ATRNL1: variants seen among roughly 807,000 people sequenced by gnomAD.
ATRNL1 encodes the protein attractin like 1.
Under a neutral mutation model 182.7 loss-of-function variants are expected in ATRNL1, and 95 were observed. The ratio of observed to expected loss-of-function variants is 0.52; its 90% CI spans 0.44 to 0.62. ATRNL1 has a LOEUF of 0.62. Ranked by LOEUF, ATRNL1 falls within the 20% of genes least tolerant of loss-of-function variation. ATRNL1 has a pLI of 0.00. For synonymous variants in ATRNL1, 576 were observed against 568.3 expected, an observed-to-expected ratio of 1.01 and a Z score of -0.19; for missense variants, 1,471 against 1,679.5, an observed-to-expected ratio of 0.88 and a Z score of 2.17.
Position 115,731,530 on chromosome 10 carries a change from C to T in ATRNL1, c.3903+4175C>T, listed in dbSNP as rs190471557. The stretch of plus-strand genomic sequence containing the variant: ...AGAAAAATAATTACATGTAAATTCT[C>T]GTTTAGGAAAGGCCTTTATATTTGG... On this transcript the variant is annotated intron_variant, in intron 27 of 28. Transcript: ENST00000355044. Among the ~76,000 whole-genome samples, 745 of 151,590 alleles carry T rather than the reference C, an allele frequency of 4.9e-3. 10 individuals carry two copies. The highest frequency in any genetic ancestry group is 0.017 in the African/African-American group (710 of 41,372).
chr10:115,299,482 T>G (rs1210760921), intron 15 of ATRNL1, among the ~76,000 whole-genome samples: 1 of 152,092 alleles, frequency 6.6e-6, no homozygotes, highest in African/African-American at 2.4e-5. Flanking sequence ...AGTCCAGATT[T>G]ATTTGTAGAC....
intron 26 of ATRNL1, among the ~76,000 whole-genome samples, chr10:115,600,833 A>G (rs1856549740): frequency 6.6e-6 from 1 of 151,776 alleles, no homozygotes; most frequent in Non-Finnish European, 1.5e-5. Context: ...ATTTTTTTCT[A>G]AATATTTATG....
chr10:115,872,333 C>T (rs2134419520), intron 28 of ATRNL1, among the ~76,000 whole-genome samples: 1 of 152,286 alleles, frequency 6.6e-6, no homozygotes. Context: ...CTAATAGAGA[C>T]TATGCCAGCT....
chr10:115,399,361 T>C (rs547311487), intron 20 of ATRNL1, among the ~76,000 whole-genome samples: 1 of 152,220 alleles, frequency 6.6e-6, no homozygotes, highest in Non-Finnish European at 1.5e-5. Flanking sequence ...TGATTATTGG[T>C]CTGTTCAGGA....
chr10:115,909,678 A>G (rs1555115464), intron 28 of ATRNL1: 1 of 149,774 alleles, frequency 6.7e-6, no homozygotes. Context: ...AATGCCAGCC[A>G]GTGTTAGAGA....
intron 19 of ATRNL1, among the ~76,000 whole-genome samples, chr10:115,374,367 A>G (rs1263826985): frequency 6.1e-5 from 9 of 148,412 alleles, no homozygotes; most frequent in African/African-American, 2.2e-4. Flanking sequence ...TTTTGCTGTG[A>G]TTTTTATTAT....
At chr10:115,622,126 C>G (rs953286927) in intron 26 of ATRNL1, among the ~76,000 whole-genome samples, 1 of 152,056 alleles carries the variant, frequency 6.6e-6, no homozygotes, top group Non-Finnish European at 1.5e-5. Flanking sequence ...AAATAAAAGA[C>G]GAAGAGAGAG....
intron 17 of ATRNL1, among the ~76,000 whole-genome samples, chr10:115,310,312 T>C (rs967807874): frequency 6.6e-6 from 1 of 152,156 alleles, no homozygotes; most frequent in Non-Finnish European, 1.5e-5. Context: ...TTTTCTTATG[T>C]TCTTCCCTGA....
At chr10:115,261,737 A>T (rs1335451619) in intron 10 of ATRNL1, among the ~76,000 whole-genome samples, 9 of 152,080 alleles carry the variant, frequency 5.9e-5, no homozygotes, top group Admixed American at 5.9e-4. Context: ...GATAATAAAA[A>T]CTGAACATTA....
chr10:115,560,628 A>G (rs1310707816), intron 26 of ATRNL1, among the ~76,000 whole-genome samples: 2 of 152,220 alleles, frequency 1.3e-5, no homozygotes, highest in Non-Finnish European at 2.9e-5. Context: ...TACTTATCCA[A>G]ATACTAGGTA....
chr10:115,382,579 G>A (rs1260891218), intron 19 of ATRNL1, among the ~76,000 whole-genome samples: 1 of 150,968 alleles, frequency 6.6e-6, no homozygotes, highest in African/African-American at 2.4e-5. Flanking sequence ...TAATCTATTA[G>A]TTCTAATAGA....
intron 1 of ATRNL1, among the ~76,000 whole-genome samples, chr10:115,094,623 C>G (rs1554862692): frequency 1.3e-5 from 2 of 152,088 alleles, no homozygotes; most frequent in Non-Finnish European, 2.9e-5. Context: ...TGTCAATTTT[C>G]TCATTTATTC....
chr10:115,214,569 G>A (rs1298903281), intron 8 of ATRNL1, among the ~76,000 whole-genome samples: 1 of 151,854 alleles, frequency 6.6e-6, no homozygotes, highest in Non-Finnish European at 1.5e-5. Flanking sequence ...GAATTTTTAA[G>A]CATTATCATT....
Position 115,389,624 on chromosome 10 carries a change from A to G in ATRNL1, c.3176-5035A>G, listed in dbSNP as rs116655021. Among the ~76,000 whole-genome samples the G allele has an allele frequency of 4.0e-3, 520 of 130,666 alleles. 11 individuals carry two copies. Among genetic ancestry groups the G allele is most frequent in the African/African-American group, 0.014 (499 of 35,144 alleles). 85.7% of individuals were successfully genotyped at this position (130,666 alleles called of 152,430 possible). A position where few individuals can be genotyped will look rare whatever the true frequency, so the allele number is the denominator to read the frequency against. On this transcript the variant is annotated intron_variant, in intron 19 of 28. Coordinates refer to ENST00000355044, the MANE Select transcript of ATRNL1 (RefSeq NM_207303.4). ...AATGATGGACACCTAGGTTGCATCT[A>G]TATTGTAGCTATTGTGAATAATGCT... is the stretch of plus-strand genomic sequence containing the variant.
At chr10:115,602,057 A>G (rs782600151) in intron 26 of ATRNL1, among the ~76,000 whole-genome samples, 6 of 151,118 alleles carry the variant, frequency 4.0e-5, no homozygotes, top group Non-Finnish European at 8.8e-5. Context: ...TTTTGAACTT[A>G]TTGAAGTAAA....
chr10:115,188,664 A>G (rs1848049705), intron 8 of ATRNL1, among the ~76,000 whole-genome samples: 1 of 152,028 alleles, frequency 6.6e-6, no homozygotes, highest in African/African-American at 2.4e-5. Context: ...AAATCATTAG[A>G]TTTTTTCAGA....
At chr10:115,103,044 T>TC (rs1263034431) in intron 1 of ATRNL1, among the ~76,000 whole-genome samples, 2 of 150,478 alleles carry the variant, frequency 1.3e-5, no homozygotes, top group South Asian at 4.2e-4. Flanking sequence ...TTTAGTGTTT[T>TC]TTTTTTTTTT....
intron 19 of ATRNL1, among the ~76,000 whole-genome samples, chr10:115,345,909 T>C (rs1855954483): frequency 6.6e-6 from 1 of 152,248 alleles, no homozygotes; most frequent in East Asian, 1.9e-4. Context: ...TCATTCTCAT[T>C]GTAGCAAGTA....
chr10:115,373,477 A>G (rs1554948658), intron 19 of ATRNL1, among the ~76,000 whole-genome samples: 1 of 152,012 alleles, frequency 6.6e-6, no homozygotes, highest in Non-Finnish European at 1.5e-5. Flanking sequence ...TTCACTAATG[A>G]GTATGATGTT....
Sources: allele counts gnomAD v4.1 joint callset (sites outside exome capture counted in the v4.1 genomes callset), GRCh38; gene constraint gnomAD v4.1.1; transcripts MANE v1.5; gene names NCBI Gene and HGNC (gene_info 2026-07-23, HGNC 2026-07-21).